The following ARHGAP26 variants were observed in gnomAD, a reference collection of about 807,000 sequenced individuals.
ARHGAP26 encodes rho GTPase-activating protein 26.
ARHGAP26 carries 38 observed loss-of-function variants against 104.8 expected under a neutral mutation model. That is an observed-to-expected ratio of 0.36 (90% confidence interval 0.28 to 0.48). The LOEUF (loss-of-function observed/expected upper bound fraction) is 0.48. Ranked by LOEUF, ARHGAP26 falls within the 20% of genes least tolerant of loss-of-function variation. ARHGAP26 has a pLI of 0.99. For missense variants in ARHGAP26, 704 were observed against 947.9 expected (o/e 0.74, Z 3.38); for synonymous variants, 341 against 340.0 (o/e 1.00, Z -0.03).
At position 143,057,690 on chromosome 5, in the gene ARHGAP26, A is replaced by G; in HGVS notation, c.1481A>G (p.His494Arg). 6.2e-7 allele frequency: 1 copy of G among 1,613,986 alleles called. No individual in the cohort carries two copies. Among genetic ancestry groups the G allele is most frequent in the South Asian group, 1.1e-5 (1 of 91,070 alleles). ...GTCTCTGAAATCCACAGCCTTGTTC[A>G]TCGGCTCCCAGAGAAAAATCGGCAG... ...SRVSEIHSLV[H>R]RLPEKNRQML... The change falls in exon 17 of 23, where the codon CAT becomes CGT. Residue 494 changes from histidine to arginine, a missense_variant. Physicochemically the swap from His to Arg is conservative, Grantham distance 29. This residue lies in a region of ARHGAP26 where 287 missense variants were observed against 438.8 expected (regional missense o/e 0.65). Transcript: ENST00000645722.
intron 1 of ARHGAP26, among the ~76,000 whole-genome samples, chr5:142,843,119 A>G (rs1041427604): frequency 7.2e-5 from 11 of 152,262 alleles, no homozygotes; most frequent in Admixed American, 1.3e-4. Flanking sequence ...TGTCTGGAAA[A>G]GCTTGCCATG....
chr5:143,130,981 A>G (rs1044451635), intron 18 of ARHGAP26, among the ~76,000 whole-genome samples: 5 of 152,224 alleles, frequency 3.3e-5, no homozygotes, highest in Non-Finnish European at 5.9e-5. Context: ...GAATAGCCCT[A>G]TCAGCGGTCT....
chr5:143,172,163 A>T (rs853164), intron 20 of ARHGAP26, among the ~76,000 whole-genome samples: 1 of 152,040 alleles, frequency 6.6e-6, no homozygotes, highest in Non-Finnish European at 1.5e-5. Context: ...AAGTCTTTGT[A>T]TGCTGACAAA....
chr5:142,986,601 T>C (rs1043901580), intron 11 of ARHGAP26, among the ~76,000 whole-genome samples: 1 of 152,220 alleles, frequency 6.6e-6, no homozygotes, highest in Non-Finnish European at 1.5e-5. Context: ...CTGAATGGTA[T>C]TGGCTAGGTT....
intron 11 of ARHGAP26, among the ~76,000 whole-genome samples, chr5:142,938,891 G>C (rs1765839146): frequency 6.6e-6 from 1 of 152,174 alleles, no homozygotes; most frequent in South Asian, 2.1e-4. Flanking sequence ...GCTGGTACTT[G>C]AATCTCTTTC....
intron 11 of ARHGAP26, among the ~76,000 whole-genome samples, chr5:142,937,963 G>T (rs534215719): frequency 6.6e-6 from 1 of 152,204 alleles, no homozygotes; most frequent in African/African-American, 2.4e-5. Flanking sequence ...TGATCTTGGT[G>T]GTTAGTTATA....
Position 142,784,809 on chromosome 5 carries a change from C to T in ARHGAP26, c.154+13894C>T, listed in dbSNP as rs73795910. Among the ~76,000 whole-genome samples the T allele has an allele frequency of 1.1e-4, 16 of 152,044 alleles. 1 individual carries two copies. Among genetic ancestry groups the T allele is most frequent in the Admixed American group, 9.2e-4 (14 of 15,266 alleles). On this transcript the variant is annotated intron_variant, in intron 1 of 22. Coordinates refer to ENST00000645722, the MANE Select transcript of ARHGAP26 (RefSeq NM_001135608.3). ...GCACAGGATTTTGCATTCATCTTCACGATTAATATTAGCATATTTTCATCA... is the reference window on the plus strand; with the variant it reads ...GCACAGGATTTTGCATTCATCTTCATGATTAATATTAGCATATTTTCATCA...
At chr5:142,972,597 G>C (rs1772447648) in intron 11 of ARHGAP26, among the ~76,000 whole-genome samples, 1 of 152,148 alleles carries the variant, frequency 6.6e-6, no homozygotes, top group African/African-American at 2.4e-5. Context: ...TAGTAAAGCA[G>C]TTACTATAGT....
At chr5:142,801,629 CTG>C (rs1320006929) in intron 1 of ARHGAP26, among the ~76,000 whole-genome samples, 5 of 148,284 alleles carry the variant, frequency 3.4e-5, no homozygotes, top group Non-Finnish European at 7.4e-5. Flanking sequence ...TTTTTTTTAA[CTG>C]TTACCAAGGA....
chr5:142,966,198 G>A (rs1470911254), intron 11 of ARHGAP26, among the ~76,000 whole-genome samples: 3 of 152,120 alleles, frequency 2.0e-5, no homozygotes, highest in Admixed American at 2.0e-4. Context: ...TCTCCTAATC[G>A]CATTTATAAC....
In ARHGAP26 at chr5:143,151,907, G is replaced by A. The variant is rs536925662; in HGVS notation, c.1988+4526G>A. ...GGAGGCAGAGGTTGCAGTGAGCTGA[G>A]ATCGTGCCACCGCACTCCAGCCTGG... On this transcript the variant is annotated intron_variant, in intron 20 of 22. Coordinates refer to ENST00000645722, the MANE Select transcript of ARHGAP26 (RefSeq NM_001135608.3). Among the ~76,000 whole-genome samples, 7 of 152,286 alleles carry A rather than the reference G, an allele frequency of 4.6e-5. 1 individual carries two copies. The East Asian group carries it at 1.4e-3, about 29-fold the overall frequency.
chr5:142,791,572 A>G (rs970309299), intron 1 of ARHGAP26, among the ~76,000 whole-genome samples: 2 of 152,206 alleles, frequency 1.3e-5, no homozygotes, highest in African/African-American at 4.8e-5. Context: ...TGACTCTTAA[A>G]TTGACAAAGC....
In ARHGAP26 at chr5:143,121,094, G is replaced by A. The variant is rs781036613; in HGVS notation, c.1645G>A (p.Asp549Asn). The A allele has an allele frequency of 6.8e-6, 11 of 1,613,496 alleles. No homozygotes were observed. The highest frequency in any genetic ancestry group is 9.3e-6 in the Non-Finnish European group (11 of 1,179,604). ...GGAAGAAACAGTAGCAGCCATCATG[G>A]ACATCAAATTTCAGAACATTGTCAT... Reference protein sequence around the residue: ...PQEETVAAIMDIKFQNIVIEI... With the variant: ...PQEETVAAIMNIKFQNIVIEI... The change falls in exon 18 of 23, where the codon GAC becomes AAC. Residue 549 changes from aspartate to asparagine, a missense_variant. Physicochemically the swap from Asp to Asn is conservative, Grantham distance 23. Transcript: ENST00000645722.
intron 20 of ARHGAP26, among the ~76,000 whole-genome samples, chr5:143,206,749 C>T (rs1314279943): frequency 6.6e-6 from 1 of 152,144 alleles, no homozygotes; most frequent in African/African-American, 2.4e-5. Context: ...ACCGAATGGC[C>T]TTTGTGGCCC....
chr5:142,794,874 T>C lies in ARHGAP26; in HGVS notation c.154+23959T>C, dbSNP rs115816201. Among the ~76,000 whole-genome samples, 667 of 152,352 alleles carry C rather than the reference T, an allele frequency of 4.4e-3. 7 individuals carry two copies. The highest frequency in any genetic ancestry group is 0.015 in the African/African-American group (638 of 41,584). On this transcript the variant is annotated intron_variant, in intron 1 of 22. Coordinates refer to ENST00000645722, the MANE Select transcript of ARHGAP26 (RefSeq NM_001135608.3). Reference sequence around the variant, plus strand: ...ATCTTCCAGAGTCTCTTTCTCTTTATGATATTTACATTTTGGGAAATAAAC... The same window carrying C: ...ATCTTCCAGAGTCTCTTTCTCTTTACGATATTTACATTTTGGGAAATAAAC...
intron 22 of ARHGAP26, chr5:143,216,796 G>A (rs1264027676): frequency 6.5e-6 from 1 of 153,692 alleles, no homozygotes; most frequent in Non-Finnish European, 1.4e-5. Flanking sequence ...ACCTCTCAGT[G>A]TTGACTGAGT....
At chr5:142,894,968 G>A (rs1049353095) in intron 6 of ARHGAP26, among the ~76,000 whole-genome samples, 11 of 152,340 alleles carry the variant, frequency 7.2e-5, no homozygotes, top group African/African-American at 2.6e-4. Context: ...GAAAAAGCCT[G>A]ACTTTAGTTT....
At chr5:143,197,326 C>G (rs751842143) in intron 20 of ARHGAP26, among the ~76,000 whole-genome samples, 3 of 152,098 alleles carry the variant, frequency 2.0e-5, no homozygotes, top group Non-Finnish European at 4.4e-5. Flanking sequence ...AATTTACACC[C>G]CTCCTGCAGC....
At chr5:143,019,691 A>C (rs1449535318) in intron 12 of ARHGAP26, among the ~76,000 whole-genome samples, 4 of 152,222 alleles carry the variant, frequency 2.6e-5, no homozygotes, top group Non-Finnish European at 4.4e-5. Context: ...AGAGAAGGGC[A>C]GGCTCTTACA....
Sources: allele counts gnomAD v4.1 joint callset (sites outside exome capture counted in the v4.1 genomes callset), GRCh38; gene constraint gnomAD v4.1.1; regional missense constraint gnomAD v4.1.1; transcripts MANE v1.5; gene names NCBI Gene and HGNC (gene_info 2026-07-23, HGNC 2026-07-21).